Variants in REV1 observed in about 807,000 individuals in gnomAD.
REV1 encodes the protein translesion synthesis protein REV1.
In REV1, 42 loss-of-function variants were observed where a neutral mutation model predicts 137.4. The observed-to-expected ratio is 0.31, with a 90% confidence interval of 0.24 to 0.40. The LOEUF (loss-of-function observed/expected upper bound fraction) is 0.40, where lower values mean the gene tolerates loss of function less well. Ranked by LOEUF, REV1 falls within the 10% of genes least tolerant of loss-of-function variation. REV1 has a pLI of 1.00. For synonymous variants in REV1, 524 were observed against 519.2 expected (o/e 1.01, Z -0.12); for missense variants, 1,282 against 1,490.1 (o/e 0.86, Z 2.30).
At chr2:99,403,669 T>C (rs761239874) in intron 19 of REV1, 26 bp downstream of exon 19, 6 of 1,614,084 alleles carry the variant, frequency 3.7e-6, no homozygotes, top group Non-Finnish European at 5.1e-6. Flanking sequence ...TCTTCATTTT[T>C]GTTACATGCC....
intron 1 of REV1, among the ~76,000 whole-genome samples, chr2:99,486,419 C>G (rs1201043706): frequency 6.6e-6 from 1 of 151,914 alleles, no homozygotes; most frequent in Non-Finnish European, 1.5e-5. Flanking sequence ...GTCCCAGCTA[C>G]TCGGGAGGCT....
chr2:99,454,534 G>T (rs1683297803), intron 3 of REV1, among the ~76,000 whole-genome samples: 1 of 111,606 alleles, frequency 9.0e-6, no homozygotes, highest in Non-Finnish European at 1.8e-5. Flanking sequence ...TGGGCAACAA[G>T]AGTGAAACTC....
Position 99,489,926 on chromosome 2 carries a change from C to G in REV1, c.-120G>C, listed in dbSNP as rs1351535687. On this transcript the variant is annotated 5_prime_UTR_variant, in exon 1 of 23. Coordinates refer to ENST00000258428, the MANE Select transcript of REV1 (RefSeq NM_016316.4). ...CTCGCCAGGGACCAGGGAGGAGGGC[C>G]GGGGGAAGGCAGCCCCACCGCTGAG... 1 of 149,744 alleles carries G rather than the reference C, an allele frequency of 6.7e-6. No individual in the cohort carries two copies. The highest frequency in any genetic ancestry group is 1.5e-5 in the Non-Finnish European group (1 of 67,184). The allele number at this position is 149,744 out of a possible 1,614,324, so 9.3% of individuals were successfully genotyped here.
chr2:99,465,694 CACAA>C (rs1216725841), intron 1 of REV1, among the ~76,000 whole-genome samples: 1 of 152,184 alleles, frequency 6.6e-6, no homozygotes, highest in African/African-American at 2.4e-5. Flanking sequence ...AGCCTTTTAA[CACAA>C]ACAGCTACAT....
intron 13 of REV1, 86 bp downstream of exon 13, chr2:99,412,645 G>A (rs1399417067): frequency 8.8e-6 from 9 of 1,019,776 alleles, no homozygotes; most frequent in East Asian, 2.4e-5. Context: ...TTCAAGCATT[G>A]AGGGTCTAAT....
intron 12 of REV1, among the ~76,000 whole-genome samples, chr2:99,414,008 A>C (rs193030011): frequency 7.8e-4 from 119 of 152,220 alleles, no homozygotes; most frequent in African/African-American, 2.4e-3. Flanking sequence ...AAAAAGAATT[A>C]GCTGGGTGTG....
chr2:99,482,445 T>C (rs1686704393), intron 1 of REV1, among the ~76,000 whole-genome samples: 1 of 152,200 alleles, frequency 6.6e-6, no homozygotes, highest in South Asian at 2.1e-4. Context: ...TGTAGCCAGT[T>C]GGTCAGAGTG....
At position 99,402,281 on chromosome 2, in the gene REV1, A is replaced by C; in HGVS notation, c.3607T>G (p.Leu1203Val). The C allele has an allele frequency of 6.7e-7, 1 of 1,494,292 alleles. No individual in the cohort carries two copies. Among genetic ancestry groups the C allele is most frequent in the Non-Finnish European group, 9.2e-7 (1 of 1,087,682 alleles). 92.6% of individuals were successfully genotyped at this position (1,494,292 alleles called of 1,614,324 possible). A position where few individuals can be genotyped will look rare whatever the true frequency, so the allele number is the denominator to read the frequency against. Residue 1203 changes from leucine (L) to valine (V), a missense_variant, in exon 22 of 23, where the codon TTG becomes GTG. Coordinates refer to ENST00000258428, the MANE Select transcript of REV1 (RefSeq NM_016316.4). ...YCTDLIEEKD[L>V]EKLDLVIKYM... ...TTTATAACTAGATCCAGTTTTTCCA[A>C]ATCTTTTTCTTCTATTAGATCAGTA...
rs869170472 is a variant in REV1, at chr2:99,407,080, CTTTTTTTTTTT to C, written c.2449-601_2449-591del. 6.1e-3 allele frequency among the ~76,000 whole-genome samples: 364 copies of C among 60,056 alleles called. 2 individuals carry two copies. The East Asian group carries it at 0.074, about 12-fold the overall frequency. 39.4% of individuals were successfully genotyped at this position (60,056 alleles called of 152,430 possible). On this transcript the variant is annotated intron_variant, in intron 15 of 22. Transcript: ENST00000258428. ...ACATAAAACTAAACCTACAAAGGTTCTTTTTTTTTTTTTTTTTTTTTTTTTTTGAGACAGAG... is the reference window on the plus strand; with the variant it reads ...ACATAAAACTAAACCTACAAAGGTTCTTTTTTTTTTTTTTTTGAGACAGAG...
At position 99,403,003 on chromosome 2, in the gene REV1, C is replaced by G. The variant is rs1171738520; in HGVS notation, c.3270G>C (p.Leu1090Phe). 1.2e-6 allele frequency: 2 copies of G among 1,614,144 alleles called. No homozygotes were observed. ...CAGGACTGTTAAGCAGCTTGTTATT[C>G]AAAGGACTCTGAATCCTTTTTGGTG... Reference protein sequence around the residue: ...IGSPKRIQSPLNNKLLNSPAK... With the variant: ...IGSPKRIQSPFNNKLLNSPAK... Residue 1090 changes from leucine to phenylalanine, a missense_variant, in exon 20 of 23, where the codon TTG becomes TTC. Leu to Phe is a conservative substitution (Grantham distance 22). Around this residue, in one of 7 missense-constraint regions of REV1, gnomAD observed 170 missense variants for 156.8 expected, o/e 1.08. Coordinates refer to ENST00000258428, the MANE Select transcript of REV1 (RefSeq NM_016316.4).
intron 4 of REV1, 52 bp from the exon 5 acceptor site, chr2:99,442,521 C>A: frequency 6.5e-7 from 1 of 1,532,566 alleles, no homozygotes; most frequent in Non-Finnish European, 9.0e-7. Flanking sequence ...TGACAATGAG[C>A]TTCATGAAAA....
intron 9 of REV1, among the ~76,000 whole-genome samples, chr2:99,426,957 A>G (rs1202125525): frequency 4.6e-5 from 7 of 152,100 alleles, no homozygotes; most frequent in African/African-American, 1.7e-4. Context: ...GGCCAAGGCG[A>G]GCGGGTCACG....
rs762807822 is a variant in REV1 at position 99,405,899 on chromosome 2, C to CA, written c.2811+10dup. The CA allele has an allele frequency of 7.9e-6, 12 of 1,512,422 alleles. No homozygotes were observed. In the Admixed American group the frequency reaches 2.1e-4, roughly 27 times the overall value. The allele number at this position is 1,512,422 out of a possible 1,614,324, so 93.7% of individuals were successfully genotyped here. ...TAAAATGTACTTATATTTAGGACTA[C>CA]AAAAATGTACCTGGGAAGGTGACGG... On this transcript the variant is annotated intron_variant, in intron 17 of 22. Transcript: ENST00000258428.
Position 99,457,503 on chromosome 2 carries a change from G to A in REV1, c.181+4993C>T, listed in dbSNP as rs145842145. On this transcript the variant is annotated intron_variant, in intron 3 of 22. Transcript: ENST00000258428. ...TCGAGACCAGCCTGGCCAACATGGC[G>A]AAACCCCATCTCTACTAAAAACACA... Among the ~76,000 whole-genome samples, 28 of 152,178 alleles carry A rather than the reference G, an allele frequency of 1.8e-4. No homozygotes were observed. The East Asian group carries it at 5.2e-3, about 28-fold the overall frequency.
intron 12 of REV1, among the ~76,000 whole-genome samples, chr2:99,413,585 A>G (rs1317622111): frequency 2.6e-5 from 4 of 152,030 alleles, no homozygotes; most frequent in African/African-American, 9.7e-5. Flanking sequence ...AGAGATATGA[A>G]CTCTCCTACA....
At chr2:99,414,811 G>A (rs932850007) in intron 12 of REV1, among the ~76,000 whole-genome samples, 8 of 152,174 alleles carry the variant, frequency 5.3e-5, no homozygotes, top group Non-Finnish European at 2.9e-5. Context: ...GGACTTCCAA[G>A]ATTAGCAAGA....
intron 17 of REV1, 120 bp downstream of exon 17, chr2:99,405,790 T>C: frequency 1.5e-6 from 1 of 656,344 alleles, no homozygotes; most frequent in Non-Finnish European, 2.3e-6. Context: ...TGGCCCGTTC[T>C]CCCTTTCTTG....
At chr2:99,436,600 T>C (rs1680783357) in intron 6 of REV1, 1 of 152,480 alleles carries the variant, frequency 6.6e-6, no homozygotes, top group Admixed American at 6.5e-5. Flanking sequence ...AGATCAGAGC[T>C]GAATGACATA....
intron 3 of REV1, among the ~76,000 whole-genome samples, chr2:99,451,939 C>T (rs995490330): frequency 3.4e-4 from 51 of 152,080 alleles, no homozygotes; most frequent in African/African-American, 1.2e-3. Flanking sequence ...TCGCTGGAAG[C>T]TACCCTATTT....
Sources: gnomAD v4.1 joint callset for allele counts (sites outside exome capture counted in the v4.1 genomes callset) on GRCh38, gnomAD v4.1.1 for gene constraint, gnomAD v4.1.1 regional missense constraint, MANE v1.5 for transcripts, NCBI Gene and HGNC (gene_info 2026-07-23, HGNC 2026-07-21) for gene names.